RREB1: variants seen among roughly 807,000 people sequenced by gnomAD.
RREB1 encodes the protein ras responsive element binding protein 1, also known as ras-responsive element-binding protein 1.
In RREB1, 27 loss-of-function variants were observed where a neutral mutation model predicts 117.8. The observed-to-expected ratio is 0.23, with a 90% CI of 0.17 to 0.32. RREB1 has a LOEUF of 0.32. RREB1 is among the 10% of genes least tolerant of loss of function. The pLI is 1.00. For synonymous variants in RREB1, 1,298 were observed against 1,026.7 expected (o/e 1.26, Z -5.05); for missense variants, 2,577 against 2,378.2 (o/e 1.08, Z -1.74).
chr6:7,181,985 T>G lies in RREB1; in HGVS notation c.74T>G (p.Met25Arg), dbSNP rs372036499. The G allele has an allele frequency of 1.9e-6, 3 of 1,614,138 alleles. No homozygotes were observed. The South Asian group carries it at 3.3e-5, about 18-fold the overall frequency. Residue 25 changes from methionine (M) to arginine (R), a missense_variant, in exon 4 of 13, where the codon ATG becomes AGG. By Grantham distance (91) the Met-to-Arg change is moderately conservative (BLOSUM62 -1). Coordinates refer to ENST00000379938, the MANE Select transcript of RREB1 (RefSeq NM_001003699.4). Reference protein sequence around the residue: ...SSINTMMSAVMSVGKVTENGG... With the variant: ...SSINTMMSAVRSVGKVTENGG... ...ATCAACACCATGATGTCGGCGGTCA[T>G]GAGTGTAGGGAAGGTCACAGAGAAT...
chr6:7,141,343 G>T (rs1194636265), intron 1 of RREB1, among the ~76,000 whole-genome samples: 1 of 152,232 alleles, frequency 6.6e-6, no homozygotes, highest in Non-Finnish European at 1.5e-5. Flanking sequence ...GGGCACGGCC[G>T]CTGGGGACAC....
chr6:7,231,308 A>C lies in RREB1; in HGVS notation c.3209A>C (p.Gln1070Pro). Reference protein sequence around the residue: ...EELPPLASIAQIISSVSSAPT... With the variant: ...EELPPLASIAPIISSVSSAPT... ...CTGCCCCCGCTGGCCTCCATTGCCC[A>C]GATCATCTCATCTGTATCCTCGGCC... is the stretch of plus-strand genomic sequence containing the variant. The change falls in exon 10 of 13, where the codon CAG becomes CCG. Residue 1070 changes from glutamine (Q) to proline (P), a missense_variant. Physicochemically the swap from Gln to Pro is moderately conservative, Grantham distance 76. Transcript: ENST00000379938. 6.2e-7 allele frequency: 1 copy of C among 1,604,784 alleles called. No homozygotes were observed. The highest frequency in any genetic ancestry group is 8.5e-7 in the Non-Finnish European group (1 of 1,174,752).
rs1351216881 is a variant in RREB1, at chr6:7,226,632, T to C, written c.873T>C (p.Cys291=). Residue 291 remains cysteine (C), a synonymous_variant, in exon 9 of 13, where the codon TGT becomes TGC. Transcript: ENST00000379938. The part of the protein sequence containing the change: ...FHDLGFTDFS[C]RKFPRISQAW... ...ACTTAGGATTCACGGACTTCTCCTG[T>C]AGGAAGTTTCCTCGCATTTCTCAGG... 8 of 1,613,970 alleles carry C rather than the reference T, an allele frequency of 5.0e-6. No homozygotes were observed. In the African/African-American group the frequency reaches 1.1e-4, roughly 22 times the overall value.
At chr6:7,200,601 CCT>C (rs1212568651) in intron 6 of RREB1, among the ~76,000 whole-genome samples, 2 of 152,108 alleles carry the variant, frequency 1.3e-5, no homozygotes, top group Non-Finnish European at 2.9e-5. Flanking sequence ...ATTTGAAAAA[CCT>C]CTTGTGGCCG....
At chr6:7,145,795 T>C (rs1241424270) in intron 1 of RREB1, among the ~76,000 whole-genome samples, 2 of 151,202 alleles carry the variant, frequency 1.3e-5, no homozygotes, top group Non-Finnish European at 2.9e-5. Context: ...TTTCAGCCAG[T>C]AATGGGCCCC....
At chr6:7,150,958 G>A (rs1763094896) in intron 1 of RREB1, among the ~76,000 whole-genome samples, 1 of 152,248 alleles carries the variant, frequency 6.6e-6, no homozygotes, top group African/African-American at 2.4e-5. Context: ...GCGTGGATTT[G>A]AACAGCTGCT....
chr6:7,139,927 T>C (rs1315911154), intron 1 of RREB1, among the ~76,000 whole-genome samples: 3 of 152,236 alleles, frequency 2.0e-5, no homozygotes, highest in Admixed American at 6.5e-5. Flanking sequence ...TTTTCATTCC[T>C]ATCAGGTTTA....
chr6:7,229,765 G>A lies in RREB1; in HGVS notation c.1666G>A (p.Ala556Thr), dbSNP rs1031200099. The change falls in exon 10 of 13, where the codon GCG (alanine) becomes ACG (threonine). Residue 556 changes from alanine to threonine, a missense_variant. By Grantham distance (58) the Ala-to-Thr change is moderately conservative. Coordinates refer to ENST00000379938, the MANE Select transcript of RREB1 (RefSeq NM_001003699.4). The surrounding 1 kb of genome is among the most constrained non-coding windows in gnomAD (Gnocchi z 4.5). The part of the protein sequence containing the change: ...PLKLLKGSVE[A>T]ASNAHLLQSK... Reference sequence around the variant, plus strand: ...GAAGCTCCTCAAAGGCTCAGTGGAGGCGGCCTCCAACGCCCACCTGCTGCA... The same window carrying A: ...GAAGCTCCTCAAAGGCTCAGTGGAGACGGCCTCCAACGCCCACCTGCTGCA... The A allele has an allele frequency of 6.9e-6, 11 of 1,605,772 alleles. No homozygotes were observed. The highest frequency in any genetic ancestry group is 8.5e-6 in the Non-Finnish European group (10 of 1,174,830).
intron 6 of RREB1, among the ~76,000 whole-genome samples, chr6:7,193,092 C>T (rs1765493676): frequency 6.6e-6 from 1 of 152,174 alleles, no homozygotes; most frequent in Non-Finnish European, 1.5e-5. Flanking sequence ...TGTGACTTCT[C>T]AAATTTCTTA....
intron 8 of RREB1, among the ~76,000 whole-genome samples, chr6:7,220,320 T>A (rs1043747816): frequency 6.6e-6 from 1 of 152,234 alleles, no homozygotes; most frequent in Non-Finnish European, 1.5e-5. Context: ...AGTTCACATA[T>A]GCTAAGCAGC....
At chr6:7,179,797 T>G (rs974534008) in intron 2 of RREB1, among the ~76,000 whole-genome samples, 1 of 73,592 alleles carries the variant, frequency 1.4e-5, no homozygotes, top group African/African-American at 9.3e-5. Context: ...TGAAACACAG[T>G]TTTTTTTTTT....
chr6:7,243,411 G>A (rs944646127), intron 11 of RREB1, among the ~76,000 whole-genome samples: 1 of 152,192 alleles, frequency 6.6e-6, no homozygotes, highest in Non-Finnish European at 1.5e-5. Flanking sequence ...AACACAAACC[G>A]AGGGACTGAT....
rs376946683 is a variant in RREB1, at chr6:7,120,097, AC to A, written c.-285+12043del. On this transcript the variant is annotated intron_variant, in intron 1 of 12. Coordinates refer to ENST00000379938, the MANE Select transcript of RREB1 (RefSeq NM_001003699.4). ...GAGCTATATTTATGTCCCCACCCCC[AC>A]CCCCCGCCCGCCTTTTTTAGCTATT... is the stretch of plus-strand genomic sequence containing the variant. 8.2e-4 allele frequency among the ~76,000 whole-genome samples: 108 copies of A among 132,204 alleles called. 1 individual carries two copies. Among genetic ancestry groups the A allele is most frequent in the African/African-American group, 2.8e-3 (101 of 36,188 alleles). The allele number at this position is 132,204 out of a possible 152,430, so 86.7% of individuals were successfully genotyped here. A position where few individuals can be genotyped will look rare whatever the true frequency, so the allele number is the denominator to read the frequency against.
In RREB1 at chr6:7,247,115, CA is replaced by C; in HGVS notation, c.4669del (p.Ser1557AlafsTer26). On this transcript the variant is annotated frameshift_variant, in exon 12 of 13. Transcript: ENST00000379938. LOFTEE classifies it high-confidence loss of function. ...DDKKPKTDSP[K>X]SVASKADKRK... ...ACAAGAAACCAAAGACAGACTCCCC[CA>C]AAAGCGTGGCCAGCAAGGCAGACAA... The C allele has an allele frequency of 6.2e-7, 1 of 1,613,876 alleles. No homozygotes were observed. Among genetic ancestry groups the C allele is most frequent in the Non-Finnish European group, 8.5e-7 (1 of 1,179,996 alleles).
chr6:7,249,823 TTAG>T lies in RREB1; in HGVS notation c.*857_*859del, dbSNP rs1029288890. ...AATATTATTATTATTATTATTATTATTAGTTCATCAGTTTGCTGTTCTCTGCAG... is the reference window on the plus strand; with the variant it reads ...AATATTATTATTATTATTATTATTATTTCATCAGTTTGCTGTTCTCTGCAG... On this transcript the variant is annotated 3_prime_UTR_variant, in exon 13 of 13. Coordinates refer to ENST00000379938, the MANE Select transcript of RREB1 (RefSeq NM_001003699.4). The T allele has an allele frequency of 6.6e-6, 1 of 152,104 alleles. No homozygotes were observed. Among genetic ancestry groups the T allele is most frequent in the South Asian group, 2.1e-4 (1 of 4,804 alleles). The allele number at this position is 152,104 out of a possible 1,614,324, so 9.4% of individuals were successfully genotyped here. A position where few individuals can be genotyped will look rare whatever the true frequency, so the allele number is the denominator to read the frequency against.
In RREB1 at chr6:7,251,209, C is replaced by T. The variant is rs1351698224; in HGVS notation, c.*2241C>T. On this transcript the variant is annotated 3_prime_UTR_variant, in exon 13 of 13. Coordinates refer to ENST00000379938, the MANE Select transcript of RREB1 (RefSeq NM_001003699.4). ...ATTTAAAGCTTTACTTAGCCTTGAT[C>T]TGTACCCTCGTAGTCAATAAGGTCT... 1 of 152,146 alleles carries T rather than the reference C, an allele frequency of 6.6e-6. No individual in the cohort carries two copies. The highest frequency in any genetic ancestry group is 1.5e-5 in the Non-Finnish European group (1 of 68,028). The allele number at this position is 152,146 out of a possible 1,614,324, so 9.4% of individuals were successfully genotyped here.
At chr6:7,188,679 G>T (rs1765237144) in intron 5 of RREB1, among the ~76,000 whole-genome samples, 1 of 152,124 alleles carries the variant, frequency 6.6e-6, no homozygotes, top group African/African-American at 2.4e-5. Context: ...GGTTTGAATA[G>T]AAATGTTCCT....
rs145113159 is a variant in RREB1, at chr6:7,231,856, C to T, written c.3757C>T (p.Arg1253Trp). 21 of 1,613,170 alleles carry T rather than the reference C, an allele frequency of 1.3e-5. No individual in the cohort carries two copies. Among genetic ancestry groups the T allele is most frequent in the Non-Finnish European group, 1.7e-5 (20 of 1,179,800 alleles). Residue 1253 changes from arginine to tryptophan, a missense_variant, in exon 10 of 13, where the codon CGG becomes TGG. Transcript: ENST00000379938. ...GAAGATCACCTGTCCCCACTGTCCC[C>T]GGGTTTTCCCTTGGGCCAGCTCCCT... ...LQKITCPHCP[R>W]VFPWASSLQR...
chr6:7,232,924 T>G (rs1056357223), intron 10 of RREB1, among the ~76,000 whole-genome samples: 1 of 152,120 alleles, frequency 6.6e-6, no homozygotes, highest in African/African-American at 2.4e-5. Flanking sequence ...AGACGGAGTC[T>G]CGCTCTGTTA....
Sources: gnomAD v4.1 joint callset for allele counts (sites outside exome capture counted in the v4.1 genomes callset) on GRCh38, gnomAD v4.1.1 for gene constraint, Gnocchi (gnomAD v3.1) non-coding constraint, MANE v1.5 for transcripts, NCBI Gene and HGNC (gene_info 2026-07-23, HGNC 2026-07-21) for gene names.